The following NCCRP1 variants were observed in gnomAD, a reference collection of about 807,000 sequenced individuals.
The protein encoded by NCCRP1 is NCCRP1, F-box associated domain containing, also known as F-box only protein 50.
NCCRP1 carries 32 observed loss-of-function variants against 34.4 expected under a neutral mutation model. The ratio of observed to expected loss-of-function variants is 0.93; its 90% CI spans 0.70 to 1.25. NCCRP1 has a LOEUF of 1.25. Among genes scored for constraint, NCCRP1 ranks in the 50% most tolerant of loss-of-function variants. NCCRP1 has a pLI of 0.00. For missense variants in NCCRP1, 372 were observed against 391.8 expected (o/e 0.95, Z 0.43); for synonymous variants, 172 against 180.1 (o/e 0.95, Z 0.36).
At chr19:39,199,126 C>T in intron 3 of NCCRP1, 44 bp from the exon 4 acceptor site, 1 of 1,577,442 alleles carries the variant, frequency 6.3e-7, no homozygotes. Flanking sequence ...TCCCTGGATC[C>T]TGGCAGATCG....
rs1373849587 is a variant in NCCRP1 at position 39,197,240 on chromosome 19, GC to G, written c.262del (p.Gln88SerfsTer67). 6.8e-7 allele frequency: 1 copy of G among 1,480,726 alleles called. No individual in the cohort carries two copies. The highest frequency in any genetic ancestry group is 8.9e-7 in the Non-Finnish European group (1 of 1,125,916). The allele number at this position is 1,480,726 out of a possible 1,614,324, so 91.7% of individuals were successfully genotyped here. A position where few individuals can be genotyped will look rare whatever the true frequency, so the allele number is the denominator to read the frequency against. On this transcript the variant is annotated frameshift_variant, in exon 1 of 6. Coordinates refer to ENST00000339852, the MANE Select transcript of NCCRP1 (RefSeq NM_001001414.2). LOFTEE classifies it high-confidence loss of function. ...GGCCGCTGAGCGGGGGCCTGGAGCTGCCCCAGCGCCTCACCTGGAAGCTGCT... is the reference window on the plus strand; with the variant it reads ...GGCCGCTGAGCGGGGGCCTGGAGCTGCCCAGCGCCTCACCTGGAAGCTGCT... ...WGPLSGGLEL[P>X]QRLTWKLLLL...
At position 39,201,560 on chromosome 19, in the gene NCCRP1, C is replaced by T. The variant is rs1568543004; in HGVS notation, c.*804C>T. 1 of 152,336 alleles carries T rather than the reference C, an allele frequency of 6.6e-6. No homozygotes were observed. The highest frequency in any genetic ancestry group is 1.9e-4 in the East Asian group (1 of 5,172). 9.4% of individuals were successfully genotyped at this position (152,336 alleles called of 1,614,324 possible). On this transcript the variant is annotated 3_prime_UTR_variant, in exon 6 of 6. Transcript: ENST00000339852. The stretch of plus-strand genomic sequence containing the variant: ...TCCTGACCTCAAGTGATCTGCCCAC[C>T]TTGGCTTCCCAAAGTGCTGGGATTG...
rs2144935213 is a variant in NCCRP1, at chr19:39,201,857, G to C, written c.*1101G>C. On this transcript the variant is annotated 3_prime_UTR_variant, in exon 6 of 6. Coordinates refer to ENST00000339852, the MANE Select transcript of NCCRP1 (RefSeq NM_001001414.2). ...CAGCGTCCCCCGTGTGTGGAATGTG[G>C]GGATTAAAAGCATTTATCAACCTCT... 1 of 152,324 alleles carries C rather than the reference G, an allele frequency of 6.6e-6. No individual in the cohort carries two copies. Among genetic ancestry groups the C allele is most frequent in the African/African-American group, 2.4e-5 (1 of 41,552 alleles). 9.4% of individuals were successfully genotyped at this position (152,324 alleles called of 1,614,324 possible). A position where few individuals can be genotyped will look rare whatever the true frequency, so the allele number is the denominator to read the frequency against.
In NCCRP1 at chr19:39,200,658, ATCCACTTCCT is replaced by A; in HGVS notation, c.731_740del (p.Ile244SerfsTer18). On this transcript the variant is annotated frameshift_variant, in exon 6 of 6. Transcript: ENST00000339852. LOFTEE classifies it high-confidence loss of function. The surrounding 1 kb of genome is among the most constrained non-coding windows in gnomAD (Gnocchi z 5.8). The stretch of plus-strand genomic sequence containing the variant: ...CCATTATGGTCCCGGTGTGCGCTTT[ATCCACTTCCT>A]GCACAAGGCCAAGAACCGCATGGAG... 1 of 1,614,072 alleles carries A rather than the reference ATCCACTTCCT, an allele frequency of 6.2e-7. No individual in the cohort carries two copies. The highest frequency in any genetic ancestry group is 8.5e-7 in the Non-Finnish European group (1 of 1,180,008).
rs2074768654 is a variant in NCCRP1, at chr19:39,197,631, C to T, written c.337+312C>T. Reference sequence around the variant, plus strand: ...TCTTGCTGTCGCCCAGGCTGGAATGCAGTGGTGCAATCTCAGCTCACTGCA... The same window carrying T: ...TCTTGCTGTCGCCCAGGCTGGAATGTAGTGGTGCAATCTCAGCTCACTGCA... On this transcript the variant is annotated intron_variant, in intron 1 of 5. Coordinates refer to ENST00000339852, the MANE Select transcript of NCCRP1 (RefSeq NM_001001414.2). 2.0e-5 allele frequency among the ~76,000 whole-genome samples: 3 copies of T among 152,278 alleles called. No individual in the cohort carries two copies. In the South Asian group the frequency reaches 6.2e-4, roughly 32 times the overall value.
rs752310516 is a variant in NCCRP1 at position 39,197,069 on chromosome 19, A to G, written c.87A>G (p.Pro29=). 6.5e-7 allele frequency: 1 copy of G among 1,530,478 alleles called. No individual in the cohort carries two copies. Among genetic ancestry groups the G allele is most frequent in the South Asian group, 1.2e-5 (1 of 83,862 alleles). The allele number at this position is 1,530,478 out of a possible 1,614,324, so 94.8% of individuals were successfully genotyped here. The change falls in exon 1 of 6, where the codon CCA becomes CCG. Residue 29 remains proline (P), a synonymous_variant. Coordinates refer to ENST00000339852, the MANE Select transcript of NCCRP1 (RefSeq NM_001001414.2). ...PASLQELPPS[P]RSPSPPPSPP... is the part of the protein sequence containing the mutation. ...GCCTCCAGGAGCTGCCTCCCTCGCCACGGTCGCCTTCACCGCCGCCGTCGC... is the reference window on the plus strand; with the variant it reads ...GCCTCCAGGAGCTGCCTCCCTCGCCGCGGTCGCCTTCACCGCCGCCGTCGC...
intron 4 of NCCRP1, among the ~76,000 whole-genome samples, chr19:39,199,544 ACT>A (rs1036052966): frequency 2.9e-4 from 27 of 94,336 alleles, no homozygotes; most frequent in African/African-American, 1.1e-3. Context: ...GAGACAGCTG[ACT>A]CTGTCGCCCA....
Position 39,200,377 on chromosome 19 carries a change from T to G in NCCRP1, c.580T>G (p.Tyr194Asp). The G allele has an allele frequency of 6.2e-7, 1 of 1,613,832 alleles. No individual in the cohort carries two copies. Among genetic ancestry groups the G allele is most frequent in the South Asian group, 1.1e-5 (1 of 91,074 alleles). The change falls in exon 5 of 6, where the codon TAT becomes GAT. Residue 194 changes from tyrosine (Y) to aspartate (D), a missense_variant. Coordinates refer to ENST00000339852, the MANE Select transcript of NCCRP1 (RefSeq NM_001001414.2). The surrounding 1 kb of genome is among the most constrained non-coding windows in gnomAD (Gnocchi z 5.8). ...GGACAGCCGGCTGGATGCGTGCGTC[T>G]ATGAGCTGCATGTCTGGCTGCTGGC... The part of the protein sequence containing the change: ...FEDSRLDACV[Y>D]ELHVWLLAAD...
chr19:39,201,753 C>G lies in NCCRP1; in HGVS notation c.*997C>G, dbSNP rs1025546392. 1 of 152,240 alleles carries G rather than the reference C, an allele frequency of 6.6e-6. No individual in the cohort carries two copies. The allele number at this position is 152,240 out of a possible 1,614,324, so 9.4% of individuals were successfully genotyped here. On this transcript the variant is annotated 3_prime_UTR_variant, in exon 6 of 6. Coordinates refer to ENST00000339852, the MANE Select transcript of NCCRP1 (RefSeq NM_001001414.2). The stretch of plus-strand genomic sequence containing the variant: ...CTACCGCAGAGCCCACAAACCCAGG[C>G]ATCTATCAAAGTCCCTCATTCATGA...
chr19:39,199,112 C>T (rs2074775451), intron 3 of NCCRP1, 58 bp from the exon 4 acceptor site: 1 of 1,530,836 alleles, frequency 6.5e-7, no homozygotes, highest in South Asian at 1.1e-5. Context: ...ACAGGGCTTC[C>T]TGCTCCCTGG....
chr19:39,200,529 T>C lies in NCCRP1; in HGVS notation c.687+45T>C. 2 of 1,610,696 alleles carry C rather than the reference T, an allele frequency of 1.2e-6. No individual in the cohort carries two copies. The highest frequency in any genetic ancestry group is 1.7e-6 in the Non-Finnish European group (2 of 1,178,548). The stretch of plus-strand genomic sequence containing the variant: ...GGCCCTCAACCCCAGACGTGTGTTC[T>C]TGTCCCAAGACCTCACAGAGGGAGG... On this transcript the variant is annotated intron_variant, in intron 5 of 5. Transcript: ENST00000339852. This position sits in a 1 kb window ranked among gnomAD's most constrained non-coding sequence, Gnocchi z 5.8.
rs750507660 is a variant in NCCRP1, at chr19:39,201,243, G to C, written c.*487G>C. On this transcript the variant is annotated 3_prime_UTR_variant, in exon 6 of 6. Coordinates refer to ENST00000339852, the MANE Select transcript of NCCRP1 (RefSeq NM_001001414.2). ...GATCTTCCATTACCTTCACATCCCG[G>C]GGTCCTTCTGAACTGACCTTGACCT... 6.3e-6 allele frequency: 1 copy of C among 159,192 alleles called. No individual in the cohort carries two copies. The highest frequency in any genetic ancestry group is 2.4e-5 in the African/African-American group (1 of 41,416). The allele number at this position is 159,192 out of a possible 1,614,324, so 9.9% of individuals were successfully genotyped here. A position where few individuals can be genotyped will look rare whatever the true frequency, so the allele number is the denominator to read the frequency against.
chr19:39,199,184 A>C lies in NCCRP1; in HGVS notation c.467A>C (p.Gln156Pro). Residue 156 changes from glutamine to proline, a missense_variant, in exon 4 of 6, where the codon CAG becomes CCG. By Grantham distance (76) the Gln-to-Pro change is moderately conservative (BLOSUM62 -1). Coordinates refer to ENST00000339852, the MANE Select transcript of NCCRP1 (RefSeq NM_001001414.2). The stretch of plus-strand genomic sequence containing the variant: ...TTCTTTCACAGCTGGACAGTGAAGC[A>C]GCAGTGTGTGGACCTTCTGGCCGAG... ...LQQNQSWTVK[Q>P]QCVDLLAEGL... is the part of the protein sequence containing the mutation. 6.2e-7 allele frequency: 1 copy of C among 1,614,112 alleles called. No homozygotes were observed. Among genetic ancestry groups the C allele is most frequent in the Non-Finnish European group, 8.5e-7 (1 of 1,179,990 alleles).
Position 39,199,266 on chromosome 19 carries a change from G to T in NCCRP1, c.548+1G>T. On this transcript the variant is annotated splice_donor_variant, in intron 4 of 5. Coordinates refer to ENST00000339852, the MANE Select transcript of NCCRP1 (RefSeq NM_001001414.2). LOFTEE classifies it high-confidence loss of function. ...AACCAGCCATTACGGTCATGGACTG[G>T]TGCGTGCCCCTCCCCTGCCAGCCTG... 1 of 1,613,382 alleles carries T rather than the reference G, an allele frequency of 6.2e-7. No individual in the cohort carries two copies. The highest frequency in any genetic ancestry group is 8.5e-7 in the Non-Finnish European group (1 of 1,179,880).
intron 4 of NCCRP1, 141 bp downstream of exon 4, chr19:39,199,406 C>A: frequency 1.6e-6 from 1 of 637,516 alleles, no homozygotes; most frequent in Admixed American, 2.6e-5. Context: ...GCCCACCTCC[C>A]TGGCCCCTTC....
At chr19:39,198,390 T>C in intron 3 of NCCRP1, 137 bp downstream of exon 3, 1 of 954,830 alleles carries the variant, frequency 1.0e-6, no homozygotes, top group Non-Finnish European at 1.6e-6. Context: ...TAAGAGAGAA[T>C]GCTTGTAAAA....
chr19:39,200,562 G>A lies in NCCRP1; in HGVS notation c.688-54G>A. ...AGACCTCACAGAGGGAGGAGAACAG[G>A]TCCGCGGGTCCTCAAAAAGGGCTCC... On this transcript the variant is annotated intron_variant, in intron 5 of 5. Transcript: ENST00000339852. This position sits in a 1 kb window ranked among gnomAD's most constrained non-coding sequence, Gnocchi z 5.8. 1.9e-6 allele frequency: 3 copies of A among 1,611,140 alleles called. No homozygotes were observed.
intron 1 of NCCRP1, among the ~76,000 whole-genome samples, chr19:39,197,820 T>C (rs1219992438): frequency 2.0e-5 from 3 of 152,118 alleles, no homozygotes; most frequent in Non-Finnish European, 4.4e-5. Context: ...GGCCTGTCTC[T>C]TTCTCTGGGT....
chr19:39,197,924 TC>T, intron 1 of NCCRP1, 128 bp from the exon 2 acceptor site: 1 of 1,052,414 alleles, frequency 9.5e-7, no homozygotes, highest in Non-Finnish European at 1.4e-6. Flanking sequence ...GACTCACTCA[TC>T]CCTGCCGGGC....
Sources: gnomAD v4.1 joint callset for allele counts (sites outside exome capture counted in the v4.1 genomes callset) on GRCh38, gnomAD v4.1.1 for gene constraint, Gnocchi (gnomAD v3.1) non-coding constraint, MANE v1.5 for transcripts, NCBI Gene and HGNC (gene_info 2026-07-23, HGNC 2026-07-21) for gene names.